Variants in TRIM5 observed in about 807,000 individuals in gnomAD.
TRIM5 encodes the protein tripartite motif-containing protein 5.
TRIM5 carries 31 observed loss-of-function variants against 35.6 expected under a neutral mutation model. That is an observed-to-expected ratio of 0.87 (90% CI 0.65 to 1.18). The LOEUF (loss-of-function observed/expected upper bound fraction) is 1.18, where lower values mean the gene tolerates loss of function less well. TRIM5 is among the 50% of genes most tolerant of loss of function. The pLI, the probability that TRIM5 is intolerant of heterozygous loss-of-function variation, is 0.00. For missense variants in TRIM5, 609 were observed against 591.6 expected (o/e 1.03, Z -0.31); for synonymous variants, 243 against 215.6 (o/e 1.13, Z -1.11).
At chr11:5,666,407 A>C in intron 5 of TRIM5, 1 of 256,998 alleles carries the variant, frequency 3.9e-6, no homozygotes, top group Non-Finnish European at 7.6e-6. Flanking sequence ...TTTAAAACAA[A>C]ACAAAACAAA....
At chr11:5,656,675 G>A in the TRIM5 span, among the ~76,000 whole-genome samples, 2 of 152,028 alleles carry the variant, frequency 1.3e-5, no homozygotes, top group Non-Finnish European at 2.9e-5. Context: ...CTTCTTAAAA[G>A]AAGACATTTA....
the TRIM5 span, among the ~76,000 whole-genome samples, chr11:5,617,409 G>A: frequency 1.4e-5 from 2 of 143,322 alleles, 1 homozygote; most frequent in South Asian, 4.6e-4. Flanking sequence ...GTACTTGTAT[G>A]AAGACAGCAA....
chr11:5,634,977 C>T, the TRIM5 span: 19 of 1,080,316 alleles, frequency 1.8e-5, no homozygotes, highest in Middle Eastern at 6.2e-4. Flanking sequence ...GCCGCCTTGT[C>T]GTCCATTCTA....
At chr11:5,596,036 A>G in the TRIM5 span, 1 of 152,308 alleles carries the variant, frequency 6.6e-6, no homozygotes. Flanking sequence ...GACCACACCC[A>G]TGGAATCGGC....
chr11:5,662,087 C>T (rs1277286380), downstream of TRIM5, among the ~76,000 whole-genome samples: 1 of 152,204 alleles, frequency 6.6e-6, no homozygotes, highest in Non-Finnish European at 1.5e-5. Flanking sequence ...TTTATAGCAT[C>T]AACCTCCTCG....
chr11:5,617,773 G>A, the TRIM5 span, among the ~76,000 whole-genome samples: 58,397 of 144,912 alleles, frequency 0.4, 12,777 homozygotes, highest in East Asian at 0.75. Flanking sequence ...TACAGGCTTG[G>A]GCCACCGCGC....
At chr11:5,666,300 C>G (rs1468528473) in intron 5 of TRIM5, 11 of 636,186 alleles carry the variant, frequency 1.7e-5, no homozygotes, top group Non-Finnish European at 3.2e-5. Context: ...AGATCTTAAC[C>G]TCTCAGAAGC....
chr11:5,610,374 T>A, the TRIM5 span: 5 of 1,563,596 alleles, frequency 3.2e-6, no homozygotes, highest in African/African-American at 6.7e-5. Context: ...AGGGACATAG[T>A]GTGCTGAAGA....
the TRIM5 span, among the ~76,000 whole-genome samples, chr11:5,618,553 A>G: frequency 6.6e-6 from 1 of 152,220 alleles, no homozygotes; most frequent in Non-Finnish European, 1.5e-5. Context: ...CTTATGTTGA[A>G]AAACAAAATA....
the TRIM5 span, chr11:5,590,422 C>T: frequency 2.0e-5 from 3 of 152,542 alleles, no homozygotes; most frequent in African/African-American, 7.2e-5. Context: ...GTATCTAGCT[C>T]AAGGTAAACA....
At chr11:5,681,682 G>A (rs749728990) in intron 1 of TRIM5, among the ~76,000 whole-genome samples, 2 of 136,304 alleles carry the variant, frequency 1.5e-5, no homozygotes, top group African/African-American at 6.0e-5. Flanking sequence ...GGTCCTAATC[G>A]ATTCCTTCGT....
the TRIM5 span, among the ~76,000 whole-genome samples, chr11:5,614,538 T>A: frequency 6.6e-6 from 1 of 152,174 alleles, no homozygotes; most frequent in African/African-American, 2.4e-5. Context: ...AAACTCAGAT[T>A]TTGGTGGAAA....
the TRIM5 span, among the ~76,000 whole-genome samples, chr11:5,657,681 T>TAC: frequency 2.3e-5 from 3 of 131,998 alleles, no homozygotes; most frequent in East Asian, 4.1e-4. Flanking sequence ...ATATAATATA[T>TAC]ATATATTTAT....
At chr11:5,656,744 A>G in the TRIM5 span, among the ~76,000 whole-genome samples, 1 of 152,230 alleles carries the variant, frequency 6.6e-6, no homozygotes, top group Non-Finnish European at 1.5e-5. Context: ...AGAAATGCAA[A>G]TCAAAACCAC....
chr11:5,610,032 G>A, the TRIM5 span: 2 of 1,070,696 alleles, frequency 1.9e-6, no homozygotes, highest in Non-Finnish European at 2.7e-6. Flanking sequence ...GATGCTAAGT[G>A]TATTCAGAAA....
At chr11:5,632,802 G>A in the TRIM5 span, 1 of 1,422,944 alleles carries the variant, frequency 7.0e-7, no homozygotes, top group South Asian at 1.5e-5. Flanking sequence ...GTAGTTGGTG[G>A]AAAATCTCAC....
rs7104422 is a variant in TRIM5 at position 5,664,855 on chromosome 11, G to A, written c.1436C>T (p.Pro479Leu). Reference sequence around the variant, plus strand: ...AGTCATGGGGACTCCACATTTTCTAGGATTTAAATATGGAAATACAGGCTG... The same window carrying A: ...AGTCATGGGGACTCCACATTTTCTAAGATTTAAATATGGAAATACAGGCTG... Reference protein sequence around the residue: ...FSQPVFPYLNPRKCGVPMTLC... With the variant: ...FSQPVFPYLNLRKCGVPMTLC... The change falls in exon 8 of 8, where the codon CCT becomes CTT. Residue 479 changes from proline to leucine, a missense_variant. Physicochemically the swap from Pro to Leu is moderately conservative, Grantham distance 98. Transcript: ENST00000380034. 2,516 of 1,611,572 alleles carry A rather than the reference G, an allele frequency of 1.6e-3. 29 individuals are homozygous for A. In the African/African-American group the frequency reaches 0.027, roughly 17 times the overall value.
At chr11:5,604,881 A>G in the TRIM5 span, 1 of 467,974 alleles carries the variant, frequency 2.1e-6, no homozygotes, top group South Asian at 3.2e-5. Flanking sequence ...CCAATTCATA[A>G]TTCTGGGTCT....
chr11:5,620,410 C>A, the TRIM5 span, among the ~76,000 whole-genome samples: 1 of 151,490 alleles, frequency 6.6e-6, no homozygotes, highest in African/African-American at 2.4e-5. Context: ...AATTCCTTGG[C>A]CAGACTGGAC....
Sources: gnomAD v4.1 joint callset for allele counts (sites outside exome capture counted in the v4.1 genomes callset) on GRCh38, gnomAD v4.1.1 for gene constraint, MANE v1.5 for transcripts, NCBI Gene and HGNC (gene_info 2026-07-23, HGNC 2026-07-21) for gene names.